The following LIMS2 variants were observed in gnomAD, a reference collection of about 807,000 sequenced individuals.
LIMS2 encodes LIM and senescent cell antigen-like-containing domain protein 2.
LIMS2 carries 30 observed loss-of-function variants against 45.3 expected under a neutral mutation model. The observed-to-expected ratio is 0.66, with a 90% CI of 0.50 to 0.90. LIMS2 has a LOEUF of 0.90. Ranked by LOEUF, LIMS2 falls within the 40% of genes least tolerant of loss-of-function variation. LIMS2 has a pLI of 0.00. For missense variants in LIMS2, 485 were observed against 468.7 expected (o/e 1.03, Z -0.32); for synonymous variants, 173 against 188.0 (o/e 0.92, Z 0.65).
intron 1 of LIMS2, among the ~76,000 whole-genome samples, chr2:127,681,148 T>A (rs1215516279): frequency 2.0e-5 from 3 of 152,050 alleles, no homozygotes; most frequent in Admixed American, 2.0e-4. Context: ...GGGCTGAACC[T>A]TCACCGTCCC....
Position 127,675,159 on chromosome 2 carries a change from C to A in LIMS2, c.-135G>T. 2 of 806,308 alleles carry A rather than the reference C, an allele frequency of 2.5e-6. No homozygotes were observed. The highest frequency in any genetic ancestry group is 3.3e-6 in the Non-Finnish European group (2 of 606,844). The allele number at this position is 806,308 out of a possible 1,614,324, so 49.9% of individuals were successfully genotyped here. On this transcript the variant is annotated 5_prime_UTR_variant, in exon 1 of 10. Transcript: ENST00000355119. The stretch of plus-strand genomic sequence containing the variant: ...GACGCCCAAAAAAGGCCAAGAGCCG[C>A]TCCGCCCGCGAGAGGGGTGGGCGGG...
At chr2:127,679,835 G>A (rs1389029752), upstream of LIMS2, among the ~76,000 whole-genome samples, 1 of 152,188 alleles carries the variant, frequency 6.6e-6, no homozygotes, top group Non-Finnish European at 1.5e-5. The surrounding 1 kb of genome is among the most constrained non-coding windows in gnomAD (Gnocchi z 5.3). Flanking sequence ...AGGGAATGGA[G>A]AAGGCCTTGC....
intron 7 of LIMS2, chr2:127,640,520 G>A (rs1033910026): frequency 2.1e-5 from 13 of 629,170 alleles, no homozygotes; most frequent in Non-Finnish European, 2.8e-5. Context: ...AGGCTGGGGC[G>A]TTGCTCCCCA....
intron 2 of LIMS2, among the ~76,000 whole-genome samples, chr2:127,656,420 T>C (rs1033533334): frequency 3.3e-5 from 5 of 149,904 alleles, no homozygotes; most frequent in South Asian, 2.1e-4. Flanking sequence ...TCTTTCTTTT[T>C]TTTTTTTTTT....
chr2:127,641,957 C>G (rs1257708350), intron 6 of LIMS2, 92 bp downstream of exon 6: 2 of 1,426,734 alleles, frequency 1.4e-6, no homozygotes, highest in Non-Finnish European at 1.9e-6. Flanking sequence ...CCGCCCTGGG[C>G]TGGGAGTGTG....
At chr2:127,677,834 C>T (rs140766580), upstream of LIMS2, among the ~76,000 whole-genome samples, 9 of 152,216 alleles carry the variant, frequency 5.9e-5, no homozygotes, top group Middle Eastern at 3.4e-3. This position sits in a 1 kb window ranked among gnomAD's most constrained non-coding sequence, Gnocchi z 5.0. Context: ...AAAATCAGAA[C>T]GGTGGCTGCC....
Position 127,657,465 on chromosome 2 carries a change from G to A in LIMS2, c.109C>T (p.His37Tyr), listed in dbSNP as rs1400515211. The A allele has an allele frequency of 3.1e-6, 5 of 1,613,868 alleles. No individual in the cohort carries two copies. The highest frequency in any genetic ancestry group is 4.2e-6 in the Non-Finnish European group (5 of 1,180,010). The change falls in exon 2 of 10, where the codon CAT becomes TAT. Residue 37 changes from histidine to tyrosine, a missense_variant. Transcript: ENST00000355119. ...TGGGCACACACGAAGCAGTGCTCAT[G>A]GTACAGCTCCCCATTGCTGTTGACA... ...RIVNSNGELY[H>Y]EHCFVCAQCF...
intron 1 of LIMS2, among the ~76,000 whole-genome samples, chr2:127,680,858 C>A (rs186112739): frequency 1.4e-3 from 207 of 152,240 alleles, no homozygotes; most frequent in African/African-American, 4.6e-3. Context: ...ACCACATATC[C>A]AGGAATGCCA....
At position 127,647,631 on chromosome 2, in the gene LIMS2, AG is replaced by A. The variant is rs767010701; in HGVS notation, c.360-4560del. 2.3e-4 allele frequency among the ~76,000 whole-genome samples: 35 copies of A among 152,072 alleles called. No individual in the cohort carries two copies. The highest frequency in any genetic ancestry group is 3.8e-4 in the Non-Finnish European group (26 of 67,946). ...CCCTTCCCACCCCCAGGTTCTAACA[AG>A]GGCCCCTCACTCACTGGGCCCCCTC... On this transcript the variant is annotated intron_variant, in intron 4 of 9. Transcript: ENST00000355119. The surrounding 1 kb of genome is among the most constrained non-coding windows in gnomAD (Gnocchi z 4.3).
In LIMS2 at chr2:127,671,979, G is replaced by C. The variant is rs924541001; in HGVS notation, c.11+3035C>G. Among the ~76,000 whole-genome samples the C allele has an allele frequency of 6.6e-6, 1 of 152,222 alleles. No individual in the cohort carries two copies. The highest frequency in any genetic ancestry group is 2.4e-5 in the African/African-American group (1 of 41,464). On this transcript the variant is annotated intron_variant, in intron 1 of 9. Coordinates refer to ENST00000355119, the MANE Select transcript of LIMS2 (RefSeq NM_001161403.3). The surrounding 1 kb of genome is among the most constrained non-coding windows in gnomAD (Gnocchi z 4.1). Reference sequence around the variant, plus strand: ...GGCACACTCCTCACCCGGAGGAGGGGCAAGATTGGTGGATATGAGGGCAGG... The same window carrying C: ...GGCACACTCCTCACCCGGAGGAGGGCCAAGATTGGTGGATATGAGGGCAGG...
In LIMS2 at chr2:127,672,919, G is replaced by T. The variant is rs570615199; in HGVS notation, c.11+2095C>A. Among the ~76,000 whole-genome samples, 206 of 152,362 alleles carry T rather than the reference G, an allele frequency of 1.4e-3. 2 individuals carry two copies. The highest frequency in any genetic ancestry group is 4.4e-3 in the African/African-American group (181 of 41,596). ...GCATGGGGGATCCCGAGAGAACCAG[G>T]ATCCAGGCACGAGGAGCTGCCCGGG... On this transcript the variant is annotated intron_variant, in intron 1 of 9. Transcript: ENST00000355119. The surrounding 1 kb of genome is among the most constrained non-coding windows in gnomAD (Gnocchi z 4.9).
In LIMS2 at chr2:127,674,891, C is replaced by T. The variant is rs890569245; in HGVS notation, c.11+123G>A. ...CTGCCGCCCCGGCAGCTGCGAGAATCCGACGCGCCAGGGCGGAGCGGGGAT... is the reference window on the plus strand; with the variant it reads ...CTGCCGCCCCGGCAGCTGCGAGAATTCGACGCGCCAGGGCGGAGCGGGGAT... On this transcript the variant is annotated intron_variant, in intron 1 of 9. Transcript: ENST00000355119. 4 of 1,216,208 alleles carry T rather than the reference C, an allele frequency of 3.3e-6. No homozygotes were observed. The South Asian group carries it at 1.7e-4, about 50-fold the overall frequency. The allele number at this position is 1,216,208 out of a possible 1,614,324, so 75.3% of individuals were successfully genotyped here.
chr2:127,640,271 A>G lies in LIMS2; in HGVS notation c.801T>C (p.Asp267=). ...CYNCSHVIEG[D]VVSALNKAWC... ...GGGGGAGGGAACACAGGGCCTCACC[A>G]TCGCCTTCAATCACATGGCTGCAGT... Residue 267 remains aspartate, a splice_region_variant and synonymous_variant, in exon 8 of 10, where the codon GAT becomes GAC. Transcript: ENST00000355119. 1.2e-6 allele frequency: 2 copies of G among 1,613,296 alleles called. No homozygotes were observed. Among genetic ancestry groups the G allele is most frequent in the Non-Finnish European group, 1.7e-6 (2 of 1,179,968 alleles).
intron 9 of LIMS2, 63 bp downstream of exon 9, chr2:127,640,005 TGA>T: frequency 6.6e-7 from 1 of 1,525,204 alleles, no homozygotes; most frequent in Middle Eastern, 1.7e-4. Context: ...GGAGGGCTGC[TGA>T]GAGGAAGGAC....
At chr2:127,645,597 C>T (rs1682884391) in intron 4 of LIMS2, among the ~76,000 whole-genome samples, 1 of 152,220 alleles carries the variant, frequency 6.6e-6, no homozygotes, top group South Asian at 2.1e-4. Context: ...TTATGAGGCT[C>T]CTGCAGCTGT....
upstream of LIMS2, among the ~76,000 whole-genome samples, chr2:127,679,603 C>T (rs1025556882): frequency 6.6e-6 from 1 of 151,460 alleles, no homozygotes; most frequent in Admixed American, 6.6e-5. The surrounding 1 kb of genome is among the most constrained non-coding windows in gnomAD (Gnocchi z 5.3). Context: ...ACCCGAGTTT[C>T]TCCACCCCCC....
rs201964997 is a variant in LIMS2, at chr2:127,654,580, C to T, written c.239-36G>A. ...ACAGGTCCCTGCTGGCTGGGGAGCA[C>T]GTGCCTGTCCCCTCTTCGGACCCTC... is the stretch of plus-strand genomic sequence containing the variant. On this transcript the variant is annotated intron_variant, in intron 3 of 9. Transcript: ENST00000355119. 2,375 of 1,613,656 alleles carry T rather than the reference C, an allele frequency of 1.5e-3. 10 individuals are homozygous for T. Among genetic ancestry groups the T allele is most frequent in the Non-Finnish European group, 9.8e-4 (1,156 of 1,179,748 alleles).
chr2:127,655,018 G>T, intron 2 of LIMS2, 122 bp from the exon 3 acceptor site: 2 of 909,966 alleles, frequency 2.2e-6, no homozygotes, highest in Non-Finnish European at 3.6e-6. Context: ...GGCATGCCGG[G>T]CTGAGGCTGG....
At chr2:127,677,343 C>T (rs544700660), upstream of LIMS2, among the ~76,000 whole-genome samples, 34 of 152,192 alleles carry the variant, frequency 2.2e-4, no homozygotes, top group Non-Finnish European at 4.1e-4. The surrounding 1 kb of genome is among the most constrained non-coding windows in gnomAD (Gnocchi z 5.0). Context: ...TAAATAAATA[C>T]GCAAACTAGA....
Sources: allele counts gnomAD v4.1 joint callset (sites outside exome capture counted in the v4.1 genomes callset), GRCh38; gene constraint gnomAD v4.1.1; non-coding constraint Gnocchi (gnomAD v3.1); transcripts MANE v1.5; gene names NCBI Gene and HGNC (gene_info 2026-07-23, HGNC 2026-07-21).